The following CAST variants were observed in gnomAD, a reference collection of about 807,000 sequenced individuals.
CAST encodes the protein calpastatin.
CAST carries 76 observed loss-of-function variants against 119.6 expected under a neutral mutation model. That is an observed-to-expected ratio of 0.64 (90% CI 0.53 to 0.77). The LOEUF is 0.77. Ranked by LOEUF, CAST falls within the 30% of genes least tolerant of loss-of-function variation. The pLI is 0.00. For missense variants in CAST, 953 were observed against 946.5 expected (o/e 1.01, Z -0.09); for synonymous variants, 319 against 331.6 (o/e 0.96, Z 0.41).
chr5:96,681,491 T>C (rs113861345), intron 2 of CAST, among the ~76,000 whole-genome samples: 3 of 152,006 alleles, frequency 2.0e-5, no homozygotes, highest in African/African-American at 7.3e-5. Flanking sequence ...CCCAGCACTT[T>C]GGGAGGCCGA....
At chr5:96,315,309 C>T in the CAST span, among the ~76,000 whole-genome samples, 1 of 152,144 alleles carries the variant, frequency 6.6e-6, no homozygotes, top group African/African-American at 2.4e-5. Context: ...TAACTACATA[C>T]ACCTTCTTTT....
chr5:96,167,351 T>C, the CAST span, among the ~76,000 whole-genome samples: 3 of 152,130 alleles, frequency 2.0e-5, no homozygotes, highest in African/African-American at 7.2e-5. Flanking sequence ...AATAGGTGTA[T>C]GACTAGACAG....
chr5:96,328,414 T>C, the CAST span, among the ~76,000 whole-genome samples: 2 of 147,344 alleles, frequency 1.4e-5, no homozygotes, highest in South Asian at 2.2e-4. Context: ...TCTCTCTCTC[T>C]CTCTCTCTCT....
chr5:96,388,377 G>A, the CAST span, among the ~76,000 whole-genome samples: 1 of 152,188 alleles, frequency 6.6e-6, no homozygotes, highest in Non-Finnish European at 1.5e-5. Flanking sequence ...ATTTACATCT[G>A]GTTCATATAC....
chr5:96,557,358 A>C (rs1016494713), intron 1 of CAST, among the ~76,000 whole-genome samples: 1 of 152,054 alleles, frequency 6.6e-6, no homozygotes, highest in Non-Finnish European at 1.5e-5. Context: ...CACACATAAC[A>C]ATATTAACCT....
chr5:96,293,713 G>A, the CAST span, among the ~76,000 whole-genome samples: 23 of 152,152 alleles, frequency 1.5e-4, 1 homozygote, highest in Non-Finnish European at 2.1e-4. Flanking sequence ...AAAAGCTTAG[G>A]CCTCATCGTC....
chr5:96,015,709 A>G, the CAST span, among the ~76,000 whole-genome samples: 1 of 152,176 alleles, frequency 6.6e-6, no homozygotes, highest in South Asian at 2.1e-4. Flanking sequence ...CCCACTTTAC[A>G]GGGAGCATTA....
At chr5:96,412,698 C>T in the CAST span, among the ~76,000 whole-genome samples, 4 of 148,594 alleles carry the variant, frequency 2.7e-5, no homozygotes, top group East Asian at 3.9e-4. Context: ...GCTTTTTTGT[C>T]GCACTTTAGA....
At chr5:96,439,669 C>T in the CAST span, among the ~76,000 whole-genome samples, 103 of 152,254 alleles carry the variant, frequency 6.8e-4, no homozygotes, top group Non-Finnish European at 1.2e-3. Flanking sequence ...CTTCACACCC[C>T]CGAACCAACT....
rs1399161903 is a variant in CAST at position 96,750,653 on chromosome 5, C to T, written c.1495C>T (p.Gln499Ter). The change falls in exon 20 of 32, where the codon CAG becomes TAG. Residue 499 changes from glutamine (Q) to a stop codon, truncating the protein, a stop_gained. Coordinates refer to ENST00000675179, the MANE Select transcript of CAST (RefSeq NM_001750.7). LOFTEE classifies it high-confidence loss of function. The stretch of plus-strand genomic sequence containing the variant: ...GTGTCGGACCTCCATGTGTAGTATA[C>T]AGTCAGCACCCCCTGAGCCGGCTAC... ...AVCRTSMCSI[Q>*]SAPPEPATLK... The T allele has an allele frequency of 6.2e-7, 1 of 1,613,218 alleles. No individual in the cohort carries two copies. The highest frequency in any genetic ancestry group is 8.5e-7 in the Non-Finnish European group (1 of 1,179,346).
At chr5:96,744,393 A>T (rs1763315375) in intron 16 of CAST, among the ~76,000 whole-genome samples, 1 of 152,198 alleles carries the variant, frequency 6.6e-6, no homozygotes, top group African/African-American at 2.4e-5. Flanking sequence ...AAAGTAAAAG[A>T]GCATGTGCAG....
At chr5:96,461,999 A>C in the CAST span, among the ~76,000 whole-genome samples, 1 of 152,106 alleles carries the variant, frequency 6.6e-6, no homozygotes, top group African/African-American at 2.4e-5. Flanking sequence ...ATGGAAGTAC[A>C]ATGAAGCAGT....
rs757364951 is a variant in CAST at position 96,750,740 on chromosome 5, G to T, written c.1524+58G>T. ...TTGAGAAAGTTTTCTGCCTCCTCCT[G>T]TCACTCTCTGCTGTGTATTACCATC... is the stretch of plus-strand genomic sequence containing the variant. On this transcript the variant is annotated intron_variant, in intron 20 of 31. Transcript: ENST00000675179. 26 of 905,310 alleles carry T rather than the reference G, an allele frequency of 2.9e-5. 1 individual carries two copies. The highest frequency in any genetic ancestry group is 2.8e-4 in the Admixed American group (16 of 57,386). 56.1% of individuals were successfully genotyped at this position (905,310 alleles called of 1,614,324 possible). A position where few individuals can be genotyped will look rare whatever the true frequency, so the allele number is the denominator to read the frequency against.
the CAST span, among the ~76,000 whole-genome samples, chr5:96,454,312 G>T: frequency 0.14 from 20,907 of 152,102 alleles, 1,468 homozygotes; most frequent in Middle Eastern, 0.16. Flanking sequence ...CCAGTCCAAG[G>T]TCTGAAATTA....
chr5:96,174,223 T>A, the CAST span, among the ~76,000 whole-genome samples: 1 of 152,302 alleles, frequency 6.6e-6, no homozygotes, highest in South Asian at 2.1e-4. Flanking sequence ...TGCCCAAACT[T>A]GCCAGTTTCC....
the CAST span, among the ~76,000 whole-genome samples, chr5:96,079,413 G>A: frequency 2.0e-5 from 3 of 152,078 alleles, no homozygotes; most frequent in Non-Finnish European, 4.4e-5. Flanking sequence ...ATGATAACTT[G>A]GGTGTTTGAA....
intron 9 of CAST, among the ~76,000 whole-genome samples, chr5:96,734,240 A>C (rs1236505970): frequency 2.0e-5 from 3 of 152,234 alleles, no homozygotes. Context: ...CAGGTTGAGC[A>C]CTGCTGTGGA....
At chr5:96,424,789 C>T in the CAST span, among the ~76,000 whole-genome samples, 1 of 151,694 alleles carries the variant, frequency 6.6e-6, no homozygotes, top group Non-Finnish European at 1.5e-5. Context: ...GTGACAAAAC[C>T]CCATCTCTAT....
chr5:96,221,066 C>T, the CAST span, among the ~76,000 whole-genome samples: 1 of 151,996 alleles, frequency 6.6e-6, no homozygotes, highest in Non-Finnish European at 1.5e-5. Flanking sequence ...GTCACTTTGC[C>T]CTCCCTTGGC....
Sources: gnomAD v4.1 joint callset for allele counts (sites outside exome capture counted in the v4.1 genomes callset) on GRCh38, gnomAD v4.1.1 for gene constraint, MANE v1.5 for transcripts, NCBI Gene and HGNC (gene_info 2026-07-23, HGNC 2026-07-21) for gene names.